The following ZIC4 variants were observed in gnomAD, a reference collection of about 807,000 sequenced individuals.
ZIC4 encodes Zic family zinc finger 4, also known as zinc finger protein ZIC 4.
ZIC4 carries 15 observed loss-of-function variants against 28.8 expected under a neutral mutation model. That is an observed-to-expected ratio of 0.52 (90% CI 0.35 to 0.80). ZIC4 has a LOEUF of 0.80. Among genes scored for constraint, ZIC4 ranks in the 30% least tolerant of loss-of-function variants. The probability of loss-of-function intolerance (pLI) is 0.01; values close to 1 mark genes in which losing one functional copy is unlikely to be tolerated. For synonymous variants in ZIC4, 220 were observed against 198.1 expected (o/e 1.11, Z -0.93); for missense variants, 512 against 467.1 (o/e 1.10, Z -0.89).
chr3:147,397,801 T>A (rs1402205653), intron 2 of ZIC4, among the ~76,000 whole-genome samples: 1 of 152,158 alleles, frequency 6.6e-6, no homozygotes, highest in Non-Finnish European at 1.5e-5. Flanking sequence ...TTTTCTGGCT[T>A]TCTCCGAAAT....
At position 147,387,426 on chromosome 3, in the gene ZIC4, A is replaced by T. The variant is rs866315826; in HGVS notation, c.*1433T>A. The T allele has an allele frequency of 6.6e-6, 1 of 152,632 alleles. No individual in the cohort carries two copies. 9.5% of individuals were successfully genotyped at this position (152,632 alleles called of 1,614,324 possible). The stretch of plus-strand genomic sequence containing the variant: ...AGCGTTGTTAGGACGACAAGCAGGA[A>T]TGTCTCAGATAATAACTCCCACTTC... On this transcript the variant is annotated 3_prime_UTR_variant, in exon 5 of 5. Transcript: ENST00000383075.
rs1341220633 is a variant in ZIC4, at chr3:147,396,318, C to T, written c.222G>A (p.Arg74=). 3.1e-6 allele frequency: 5 copies of T among 1,596,334 alleles called. No homozygotes were observed. Among genetic ancestry groups the T allele is most frequent in the Non-Finnish European group, 4.3e-6 (5 of 1,171,802 alleles). The change falls in exon 3 of 5, where the codon CGG becomes CGA. Residue 74 remains arginine (R), a synonymous_variant. Transcript: ENST00000383075. This position sits in a 1 kb window ranked among gnomAD's most constrained non-coding sequence, Gnocchi z 4.2. ...CAGGCCCTGGCGGGAAGGGCTCCGG[C>T]CGCGCGTACATGTCTCCAGGGAGCC... ...RLGLPGDMYA[R]PEPFPPGPAA...
At chr3:147,389,646 C>G (rs2086869034) in intron 4 of ZIC4, among the ~76,000 whole-genome samples, 1 of 152,148 alleles carries the variant, frequency 6.6e-6, no homozygotes, top group African/African-American at 2.4e-5. Flanking sequence ...CCTTTCTCGC[C>G]CCCTCCTTCA....
chr3:147,391,951 A>G, intron 3 of ZIC4: 1 of 985,224 alleles, frequency 1.0e-6, no homozygotes, highest in Non-Finnish European at 1.2e-6. Flanking sequence ...AACATTTAGC[A>G]GCATTCTTCA....
intron 2 of ZIC4, among the ~76,000 whole-genome samples, chr3:147,398,445 T>TG (rs2087096940): frequency 9.2e-6 from 1 of 108,650 alleles, no homozygotes; most frequent in African/African-American, 3.6e-5. Flanking sequence ...TTTGGCGGGA[T>TG]GGGGGTCGGT....
intron 4 of ZIC4, among the ~76,000 whole-genome samples, chr3:147,390,501 C>T (rs2086889642): frequency 6.6e-6 from 1 of 152,272 alleles, no homozygotes; most frequent in South Asian, 2.1e-4. Flanking sequence ...CTTTTGTCAT[C>T]TGCAGTTGAC....
Position 147,396,072 on chromosome 3 carries a change from C to T in ZIC4, c.468G>A (p.Thr156=), listed in dbSNP as rs376509983. Reference sequence around the variant, plus strand: ...CGCCGACGTGCTCCACGGTGACGTGCGTGACCAGCTCGTGCATGGTGCTGA... The same window carrying T: ...CGCCGACGTGCTCCACGGTGACGTGTGTGACCAGCTCGTGCATGGTGCTGA... The part of the protein sequence containing the change: ...KTFSTMHELV[T]HVTVEHVGGP... Residue 156 remains threonine (T), a synonymous_variant, in exon 3 of 5, where the codon ACG becomes ACA. Coordinates refer to ENST00000383075, the MANE Select transcript of ZIC4 (RefSeq NM_032153.6). This position sits in a 1 kb window ranked among gnomAD's most constrained non-coding sequence, Gnocchi z 4.2. The T allele has an allele frequency of 9.0e-5, 146 of 1,614,260 alleles. No homozygotes were observed. The African/African-American group carries it at 1.7e-3, about 19-fold the overall frequency.
chr3:147,396,364 A>G lies in ZIC4; in HGVS notation c.176T>C (p.Leu59Ser), dbSNP rs1421717025. Residue 59 changes from leucine (L) to serine (S), a missense_variant, in exon 3 of 5, where the codon TTG becomes TCG. By Grantham distance (145) the Leu-to-Ser change is moderately radical. Around this residue, in one of 3 missense-constraint regions of ZIC4, gnomAD observed 310 missense variants for 256.5 expected, o/e 1.21. Transcript: ENST00000383075. This position sits in a 1 kb window ranked among gnomAD's most constrained non-coding sequence, Gnocchi z 4.2. Reference sequence around the variant, plus strand: ...GAGCCCCAGACGCAGGAGTCCATTCAAAGGACGGCTGGGGGAGGCCTGGGG... The same window carrying G: ...GAGCCCCAGACGCAGGAGTCCATTCGAAGGACGGCTGGGGGAGGCCTGGGG... The part of the protein sequence containing the change: ...EPPQASPSRP[L>S]NGLLRLGLPG... 6.4e-7 allele frequency: 1 copy of G among 1,550,736 alleles called. No individual in the cohort carries two copies. The highest frequency in any genetic ancestry group is 8.7e-7 in the Non-Finnish European group (1 of 1,152,210).
intron 2 of ZIC4, among the ~76,000 whole-genome samples, chr3:147,401,006 C>A (rs1576463192): frequency 1.3e-5 from 2 of 152,264 alleles, no homozygotes; most frequent in Admixed American, 1.3e-4. Context: ...TATCTCACAA[C>A]CCACAGATCT....
chr3:147,392,087 T>C, intron 3 of ZIC4: 2 of 985,562 alleles, frequency 2.0e-6, no homozygotes, highest in Non-Finnish European at 2.4e-6. Flanking sequence ...CCGCACTGAC[T>C]TGCGATGTCG....
intron 2 of ZIC4, among the ~76,000 whole-genome samples, chr3:147,397,517 A>G (rs1417245066): frequency 6.6e-6 from 1 of 151,748 alleles, no homozygotes; most frequent in East Asian, 2.0e-4. Flanking sequence ...CCTCTCCGGA[A>G]AGCTGAGTGG....
At position 147,386,762 on chromosome 3, in the gene ZIC4, CCTT is replaced by C. The variant is rs1429897264; in HGVS notation, c.*2094_*2096del. ...TTCGATCACTGTGTTGTAGACCAAA[CCTT>C]CTAAACTTCAATTGCCAAGATTCTG... On this transcript the variant is annotated 3_prime_UTR_variant, in exon 5 of 5. Coordinates refer to ENST00000383075, the MANE Select transcript of ZIC4 (RefSeq NM_032153.6). The C allele has an allele frequency of 6.6e-6, 1 of 152,204 alleles. No homozygotes were observed. Among genetic ancestry groups the C allele is most frequent in the Non-Finnish European group, 1.5e-5 (1 of 68,044 alleles). 9.4% of individuals were successfully genotyped at this position (152,204 alleles called of 1,614,324 possible).
chr3:147,405,646 T>C (rs533273867), intron 1 of ZIC4: 28 of 718,650 alleles, frequency 3.9e-5, no homozygotes, highest in African/African-American at 2.1e-4. Flanking sequence ...CTTGTTCGCA[T>C]TGGAGATAAA....
At chr3:147,404,962 CA>C (rs1247644629) in intron 1 of ZIC4, among the ~76,000 whole-genome samples, 1 of 152,192 alleles carries the variant, frequency 6.6e-6, no homozygotes, top group Admixed American at 6.5e-5. Context: ...GGGCGCAGAG[CA>C]AAAACCCTGA....
intron 2 of ZIC4, among the ~76,000 whole-genome samples, chr3:147,399,245 G>A (rs899612137): frequency 6.6e-6 from 1 of 152,060 alleles, no homozygotes; most frequent in African/African-American, 2.4e-5. Context: ...CCACCAACAG[G>A]CACCATCTCT....
In ZIC4 at chr3:147,388,736, C is replaced by T. The variant is rs909569047; in HGVS notation, c.*123G>A. The T allele has an allele frequency of 1.7e-5, 12 of 701,722 alleles. No individual in the cohort carries two copies. The highest frequency in any genetic ancestry group is 5.4e-5 in the African/African-American group (3 of 56,052). The allele number at this position is 701,722 out of a possible 1,614,324, so 43.5% of individuals were successfully genotyped here. A position where few individuals can be genotyped will look rare whatever the true frequency, so the allele number is the denominator to read the frequency against. On this transcript the variant is annotated 3_prime_UTR_variant, in exon 5 of 5. Coordinates refer to ENST00000383075, the MANE Select transcript of ZIC4 (RefSeq NM_032153.6). ...CATTGCCATAGAAATCCTAACTTAC[C>T]ATGAAGATGCACCGTGGCGAAGAAA...
chr3:147,394,118 CT>C (rs1034269848), intron 3 of ZIC4, among the ~76,000 whole-genome samples: 1 of 74,296 alleles, frequency 1.3e-5, no homozygotes, highest in Non-Finnish European at 2.8e-5. Context: ...TTTTTTTTCC[CT>C]CTCTCTCTCT....
In ZIC4 at chr3:147,395,910, C is replaced by T; in HGVS notation, c.630G>A (p.Gly210=). The change falls in exon 3 of 5, where the codon GGG becomes GGA. Residue 210 remains glycine, a synonymous_variant. Coordinates refer to ENST00000383075, the MANE Select transcript of ZIC4 (RefSeq NM_032153.6). ...GEKPFPCPFP[G]CGKVFARSEN... ...CTGATCTAGCAAAGACCTTCCCACA[C>T]CCCGGGAAAGGACAAGGGAAGGGCT... 6.2e-7 allele frequency: 1 copy of T among 1,614,234 alleles called. No homozygotes were observed. The highest frequency in any genetic ancestry group is 8.5e-7 in the Non-Finnish European group (1 of 1,180,050).
chr3:147,389,014 A>G (rs962408246), intron 4 of ZIC4, 155 bp from the exon 5 acceptor site: 6 of 630,850 alleles, frequency 9.5e-6, no homozygotes, highest in African/African-American at 1.8e-5. Flanking sequence ...GACTTTTTAA[A>G]CATTGGCAGA....
Sources: allele counts gnomAD v4.1 joint callset (sites outside exome capture counted in the v4.1 genomes callset), GRCh38; gene constraint gnomAD v4.1.1; regional missense constraint gnomAD v4.1.1; non-coding constraint Gnocchi (gnomAD v3.1); transcripts MANE v1.5; gene names NCBI Gene and HGNC (gene_info 2026-07-23, HGNC 2026-07-21).